POU6F2: variants seen among roughly 807,000 people sequenced by gnomAD.
POU6F2 encodes POU domain, class 6, transcription factor 2.
In POU6F2, 31 loss-of-function variants were observed where a neutral mutation model predicts 71.3. That is an observed-to-expected ratio of 0.43 (90% CI 0.33 to 0.59). POU6F2 has a LOEUF of 0.59. Ranked by LOEUF, POU6F2 falls within the 20% of genes least tolerant of loss-of-function variation. The probability of loss-of-function intolerance (pLI) is 0.04; values close to 1 mark genes in which losing one functional copy is unlikely to be tolerated. For synonymous variants in POU6F2, 347 were observed against 355.7 expected (o/e 0.98, Z 0.27); for missense variants, 783 against 856.8 (o/e 0.91, Z 1.07).
At chr7:38,988,970 CT>C (rs1253159061) in intron 1 of POU6F2, among the ~76,000 whole-genome samples, 6 of 152,114 alleles carry the variant, frequency 3.9e-5, no homozygotes, top group African/African-American at 1.4e-4. Flanking sequence ...CCTCCTCCTA[CT>C]GTTGCCATCA....
chr7:39,006,040 A>C (rs1317777337), intron 1 of POU6F2, among the ~76,000 whole-genome samples: 1 of 152,200 alleles, frequency 6.6e-6, no homozygotes, highest in Non-Finnish European at 1.5e-5. Context: ...CTGTGCCAGC[A>C]TGTATGTGGT....
At chr7:39,327,745 T>C (rs1319748530) in intron 4 of POU6F2, among the ~76,000 whole-genome samples, 1 of 152,006 alleles carries the variant, frequency 6.6e-6, no homozygotes, top group East Asian at 1.9e-4. Flanking sequence ...TTTCTTCATT[T>C]GTAAAACAGT....
At chr7:39,086,584 T>A (rs1166495041) in intron 2 of POU6F2, among the ~76,000 whole-genome samples, 1 of 152,120 alleles carries the variant, frequency 6.6e-6, no homozygotes, top group Non-Finnish European at 1.5e-5. Flanking sequence ...TTTAAAAAGG[T>A]GATGAGGAAA....
At chr7:39,244,011 T>C (rs2128751719) in intron 4 of POU6F2, among the ~76,000 whole-genome samples, 1 of 152,308 alleles carries the variant, frequency 6.6e-6, no homozygotes, top group Non-Finnish European at 1.5e-5. Flanking sequence ...TTGATAACTT[T>C]CCATTAATGG....
At position 39,463,220 on chromosome 7, in the gene POU6F2, A is replaced by G. The variant is rs114200323; in HGVS notation, c.1659-962A>G. ...TGAGTGTGAGTTTGGTACCAGGGCGACTTCTTAAAACACTCTATATAATTT... is the reference window on the plus strand; with the variant it reads ...TGAGTGTGAGTTTGGTACCAGGGCGGCTTCTTAAAACACTCTATATAATTT... On this transcript the variant is annotated intron_variant, in intron 9 of 9. Transcript: ENST00000518318. Among the ~76,000 whole-genome samples the G allele has an allele frequency of 5.7e-3, 864 of 152,340 alleles. 6 individuals are homozygous for G. Among genetic ancestry groups the G allele is most frequent in the African/African-American group, 0.02 (826 of 41,586 alleles).
At chr7:39,012,484 T>G (rs1789321287) in intron 1 of POU6F2, among the ~76,000 whole-genome samples, 1 of 150,352 alleles carries the variant, frequency 6.7e-6, no homozygotes, top group South Asian at 2.1e-4. Context: ...CTCCCGTAGC[T>G]CAGAGTAATT....
At chr7:39,056,662 C>CTGTGTG (rs749810621) in intron 1 of POU6F2, among the ~76,000 whole-genome samples, 5,525 of 113,290 alleles carry the variant, frequency 0.049, 154 homozygotes, top group Non-Finnish European at 0.066. Flanking sequence ...CTCTCTCTCT[C>CTGTGTG]TGTGTGTGTG....
chr7:39,151,588 C>A (rs1792761167), intron 2 of POU6F2, among the ~76,000 whole-genome samples: 1 of 152,158 alleles, frequency 6.6e-6, no homozygotes, highest in Non-Finnish European at 1.5e-5. Flanking sequence ...GGTGGCAGTA[C>A]AAGATCTATG....
intron 2 of POU6F2, among the ~76,000 whole-genome samples, chr7:39,123,796 T>C (rs959497912): frequency 3.9e-5 from 6 of 152,256 alleles, no homozygotes; most frequent in Non-Finnish European, 8.8e-5. Flanking sequence ...TTTTATTCTT[T>C]ATTTTATTTA....
chr7:39,085,829 TC>T, intron 1 of POU6F2, 30 bp from the exon 2 acceptor site: 2 of 1,610,312 alleles, frequency 1.2e-6, no homozygotes, highest in Non-Finnish European at 1.7e-6. Flanking sequence ...ACTTTTTTTT[TC>T]CTCCCCTTCA....
At position 39,253,207 on chromosome 7, in the gene POU6F2, G is replaced by A. The variant is rs571725165; in HGVS notation, c.598+45587G>A. Among the ~76,000 whole-genome samples the A allele has an allele frequency of 2.0e-5, 3 of 152,364 alleles. No homozygotes were observed. In the East Asian group the frequency reaches 5.8e-4, roughly 29 times the overall value. On this transcript the variant is annotated intron_variant, in intron 4 of 9. Coordinates refer to ENST00000518318, the MANE Select transcript of POU6F2 (RefSeq NM_001370959.1). The stretch of plus-strand genomic sequence containing the variant: ...GCAGAACCGCTCCCAGGAGCTACAT[G>A]GAAGGGTGGTTTGGAGGGTGGAGAA...
intron 4 of POU6F2, among the ~76,000 whole-genome samples, chr7:39,300,638 A>T (rs1041336034): frequency 2.0e-5 from 3 of 151,806 alleles, no homozygotes; most frequent in African/African-American, 7.3e-5. Flanking sequence ...GCCATGGAGG[A>T]AGCATCTGTC....
intron 5 of POU6F2, among the ~76,000 whole-genome samples, chr7:39,403,741 C>T (rs1366000727): frequency 2.0e-5 from 3 of 152,216 alleles, no homozygotes; most frequent in Non-Finnish European, 4.4e-5. Context: ...TGACCAACCC[C>T]TTCACTTCCC....
intron 1 of POU6F2, among the ~76,000 whole-genome samples, chr7:39,011,899 C>T (rs201818756): frequency 2.6e-5 from 4 of 151,856 alleles, no homozygotes; most frequent in Non-Finnish European, 5.9e-5. Context: ...ATCCGCTGTT[C>T]GTCTGATGGG....
chr7:38,990,977 C>T (rs1425811459), intron 1 of POU6F2, among the ~76,000 whole-genome samples: 3 of 152,002 alleles, frequency 2.0e-5, no homozygotes, highest in Admixed American at 6.6e-5. Flanking sequence ...TCCCTTCCTT[C>T]AATATTTCTT....
chr7:39,279,491 C>T (rs912420601), intron 4 of POU6F2, among the ~76,000 whole-genome samples: 2 of 152,148 alleles, frequency 1.3e-5, no homozygotes, highest in African/African-American at 4.8e-5. Context: ...AGCAGAGTTC[C>T]ACAAACTGGG....
chr7:39,354,721 C>G (rs1786217281), intron 5 of POU6F2, among the ~76,000 whole-genome samples: 1 of 152,172 alleles, frequency 6.6e-6, no homozygotes, highest in Non-Finnish European at 1.5e-5. Flanking sequence ...GAGACCCAGT[C>G]TAGCCATTTC....
chr7:39,031,537 T>C (rs1789942046), intron 1 of POU6F2, among the ~76,000 whole-genome samples: 1 of 152,186 alleles, frequency 6.6e-6, no homozygotes, highest in African/African-American at 2.4e-5. Context: ...CCTTCATTTC[T>C]CTTTTGAAAT....
intron 1 of POU6F2, among the ~76,000 whole-genome samples, chr7:39,061,312 A>C (rs1287479768): frequency 6.6e-6 from 1 of 152,166 alleles, no homozygotes. Context: ...TGTAGTTGGA[A>C]AAGGAAGGAG....
Sources: allele counts gnomAD v4.1 joint callset (sites outside exome capture counted in the v4.1 genomes callset), GRCh38; gene constraint gnomAD v4.1.1; transcripts MANE v1.5; gene names NCBI Gene and HGNC (gene_info 2026-07-23, HGNC 2026-07-21).